DDAH1: variants seen among roughly 807,000 people sequenced by gnomAD.
DDAH1 encodes the protein dimethylarginine dimethylaminohydrolase 1, also known as N(G),N(G)-dimethylarginine dimethylaminohydrolase 1.
A neutral mutation model predicts 28.8 loss-of-function variants in DDAH1; 19 were observed. That is an observed-to-expected ratio of 0.66 (90% CI 0.46 to 0.97). DDAH1 has a LOEUF of 0.97. Ranked by LOEUF, DDAH1 falls within the 50% of genes least tolerant of loss-of-function variation. DDAH1 has a pLI of 0.00. For synonymous variants in DDAH1, 153 were observed against 154.4 expected (o/e 0.99, Z 0.07); for missense variants, 326 against 375.9 (o/e 0.87, Z 1.10).
intron 1 of DDAH1, among the ~76,000 whole-genome samples, chr1:85,512,447 G>A (rs200082429): frequency 4.6e-5 from 7 of 152,146 alleles, no homozygotes; most frequent in Non-Finnish European, 8.8e-5. Flanking sequence ...CACAAGACAG[G>A]GATGCCCTCT....
At chr1:85,558,048 C>G (rs1395162715) in intron 1 of DDAH1, among the ~76,000 whole-genome samples, 1 of 151,836 alleles carries the variant, frequency 6.6e-6, no homozygotes, top group Admixed American at 6.6e-5. Context: ...AGAAAATGCA[C>G]TTGGTCCAAA....
intron 2 of DDAH1, among the ~76,000 whole-genome samples, chr1:85,357,149 G>A (rs1184376217): frequency 6.6e-6 from 1 of 152,164 alleles, no homozygotes; most frequent in Non-Finnish European, 1.5e-5. Context: ...ATATTCTAAG[G>A]GGAACTTACT....
intron 1 of DDAH1, among the ~76,000 whole-genome samples, chr1:85,560,866 G>GT (rs571082311): frequency 2.0e-5 from 3 of 151,662 alleles, no homozygotes; most frequent in Admixed American, 6.6e-5. Flanking sequence ...AAACATTAAG[G>GT]TTTTTTTTCC....
rs567347538 is a variant in DDAH1, at chr1:85,388,942, G to A, written c.304-30095C>T. On this transcript the variant is annotated intron_variant, in intron 1 of 5. Transcript: ENST00000284031. ...CAAAATGATTACATTCACAGGTTTT[G>A]AAATTAAACAACTTGGTTCAAATCC... Among the ~76,000 whole-genome samples the A allele has an allele frequency of 9.9e-5, 15 of 152,282 alleles. No homozygotes were observed. In the East Asian group the frequency reaches 2.9e-3, roughly 29 times the overall value.
At chr1:85,349,914 C>A (rs182245083) in intron 4 of DDAH1, among the ~76,000 whole-genome samples, 2 of 152,104 alleles carry the variant, frequency 1.3e-5, no homozygotes, top group Non-Finnish European at 2.9e-5. Context: ...AGGAAATTTC[C>A]GGTCTTAAAA....
chr1:85,348,113 T>C (rs1648978274), intron 4 of DDAH1, among the ~76,000 whole-genome samples: 1 of 152,142 alleles, frequency 6.6e-6, no homozygotes, highest in South Asian at 2.1e-4. Context: ...TTCTGACAAG[T>C]AGAAAAGGAA....
At chr1:85,480,412 C>A (rs543837768) in intron 2 of DDAH1, among the ~76,000 whole-genome samples, 2 of 152,156 alleles carry the variant, frequency 1.3e-5, no homozygotes, top group African/African-American at 4.8e-5. Context: ...CTGTGGCTAA[C>A]GATCTGATTA....
At chr1:85,353,029 G>A (rs186590438) in intron 2 of DDAH1, among the ~76,000 whole-genome samples, 231 of 152,198 alleles carry the variant, frequency 1.5e-3, no homozygotes, top group African/African-American at 4.9e-3. Flanking sequence ...TCTAAAAGCC[G>A]TGTCTTTGAA....
At chr1:85,346,859 C>G (rs1364219682) in intron 4 of DDAH1, among the ~76,000 whole-genome samples, 1 of 152,128 alleles carries the variant, frequency 6.6e-6, no homozygotes. Context: ...TTTTTGCAAT[C>G]TACTCATCTG....
chr1:85,367,393 T>G (rs1320078455), intron 1 of DDAH1, among the ~76,000 whole-genome samples: 1 of 152,146 alleles, frequency 6.6e-6, no homozygotes, highest in Non-Finnish European at 1.5e-5. Flanking sequence ...GCTCTGAGGA[T>G]TTGAGTAGAT....
At chr1:85,398,927 C>G (rs1651939038) in intron 1 of DDAH1, 1 of 152,098 alleles carries the variant, frequency 6.6e-6, no homozygotes, top group African/African-American at 2.4e-5. Flanking sequence ...CCCTAATATC[C>G]CTAATGCAAC....
At chr1:85,474,110 G>A (rs755673212) in intron 2 of DDAH1, among the ~76,000 whole-genome samples, 6 of 152,094 alleles carry the variant, frequency 3.9e-5, no homozygotes, top group African/African-American at 9.7e-5. Context: ...TTTGGCTCAC[G>A]TTCTCCTTTA....
chr1:85,473,486 TAC>T (rs144749348), intron 2 of DDAH1, among the ~76,000 whole-genome samples: 1 of 151,680 alleles, frequency 6.6e-6, no homozygotes, highest in Non-Finnish European at 1.5e-5. Flanking sequence ...TATGTATGTG[TAC>T]ACACACACAC....
intron 1 of DDAH1, among the ~76,000 whole-genome samples, chr1:85,371,913 T>A (rs1473797274): frequency 6.6e-6 from 1 of 152,194 alleles, no homozygotes; most frequent in African/African-American, 2.4e-5. Flanking sequence ...TACAAGTTGG[T>A]GCTTTTTTGA....
intron 1 of DDAH1, among the ~76,000 whole-genome samples, chr1:85,513,887 G>T (rs1310092701): frequency 6.6e-6 from 1 of 152,170 alleles, no homozygotes; most frequent in African/African-American, 2.4e-5. Context: ...AAATAGGAAT[G>T]CTTTTACAGT....
At chr1:85,341,851 A>G (rs549945715) in intron 4 of DDAH1, among the ~76,000 whole-genome samples, 1 of 151,542 alleles carries the variant, frequency 6.6e-6, no homozygotes, top group Non-Finnish European at 1.5e-5. Context: ...ACAAAAAAAA[A>G]CCCCAGATGT....
intron 5 of DDAH1, among the ~76,000 whole-genome samples, chr1:85,322,273 C>A (rs1240430917): frequency 6.6e-6 from 1 of 152,126 alleles, no homozygotes; most frequent in African/African-American, 2.4e-5. Flanking sequence ...GGTTTATTTT[C>A]TTACCAACAC....
chr1:85,356,215 TAAATA>T (rs1328315273), intron 2 of DDAH1, among the ~76,000 whole-genome samples: 1 of 152,188 alleles, frequency 6.6e-6, no homozygotes, highest in African/African-American at 2.4e-5. Flanking sequence ...TTCACAAAAA[TAAATA>T]AAAGTAGAGG....
chr1:85,330,813 G>C (rs942573768), intron 4 of DDAH1, among the ~76,000 whole-genome samples: 1 of 152,210 alleles, frequency 6.6e-6, no homozygotes, highest in African/African-American at 2.4e-5. Context: ...GCCCCCTTCG[G>C]GCTCAGCACA....
Sources: gnomAD v4.1 joint callset for allele counts (sites outside exome capture counted in the v4.1 genomes callset) on GRCh38, gnomAD v4.1.1 for gene constraint, MANE v1.5 for transcripts, NCBI Gene and HGNC (gene_info 2026-07-23, HGNC 2026-07-21) for gene names.